Variants in PPARG observed in about 807,000 individuals in gnomAD.
PPARG encodes the protein peroxisome proliferator activated receptor gamma, also known as peroxisome proliferator-activated receptor gamma.
PPARG carries 17 observed loss-of-function variants against 39.2 expected under a neutral mutation model. The ratio of observed to expected loss-of-function variants is 0.43; its 90% confidence interval spans 0.30 to 0.65. The LOEUF (loss-of-function observed/expected upper bound fraction) is 0.65, where lower values mean the gene tolerates loss of function less well. Ranked by LOEUF, PPARG falls within the 30% of genes least tolerant of loss-of-function variation. The pLI is 0.13. For missense variants in PPARG, 406 were observed against 585.9 expected (o/e 0.69, Z 3.17); for synonymous variants, 223 against 215.7 (o/e 1.03, Z -0.30).
intron 2 of PPARG, among the ~76,000 whole-genome samples, chr3:12,371,130 A>G (rs981558993): frequency 3.3e-5 from 5 of 152,198 alleles, no homozygotes; most frequent in African/African-American, 7.2e-5. Context: ...CTTATTAAGT[A>G]TCCAGCCCTA....
Position 12,381,358 on chromosome 3 carries a change from A to G in PPARG, c.257A>G (p.Tyr86Cys). 1 of 1,613,368 alleles carries G rather than the reference A, an allele frequency of 6.2e-7. No individual in the cohort carries two copies. Among genetic ancestry groups the G allele is most frequent in the Non-Finnish European group, 8.5e-7 (1 of 1,179,696 alleles). Residue 86 changes from tyrosine (Y) to cysteine (C), a missense_variant, in exon 4 of 8, where the codon TAT becomes TGT. Physicochemically the swap from Tyr to Cys is radical, Grantham distance 194. Transcript: ENST00000651735. Reference sequence around the variant, plus strand: ...GTGGAGCCTGCATCTCCACCTTATTATTCTGAGAAGACTCAGCTCTACAAT... The same window carrying G: ...GTGGAGCCTGCATCTCCACCTTATTGTTCTGAGAAGACTCAGCTCTACAAT... Reference protein sequence around the residue: ...IKVEPASPPYYSEKTQLYNKP... With the variant: ...IKVEPASPPYCSEKTQLYNKP...
intron 4 of PPARG, among the ~76,000 whole-genome samples, chr3:12,385,027 T>C (rs540240337): frequency 6.6e-6 from 1 of 152,258 alleles, no homozygotes; most frequent in East Asian, 1.9e-4. Context: ...TAGACAAAAT[T>C]GCTGCCACAT....
chr3:12,365,993 T>C (rs1360764834), intron 2 of PPARG, among the ~76,000 whole-genome samples: 1 of 152,180 alleles, frequency 6.6e-6, no homozygotes, highest in African/African-American at 2.4e-5. Context: ...CAAGTTGGGA[T>C]GAATGACATC....
chr3:12,382,967 A>G (rs1330686464), intron 4 of PPARG, among the ~76,000 whole-genome samples: 1 of 152,100 alleles, frequency 6.6e-6, no homozygotes, highest in East Asian at 1.9e-4. Context: ...GCAAGACCCT[A>G]ACTCCAAAAA....
At chr3:12,406,770 T>G (rs1394691521) in intron 6 of PPARG, 1 of 152,124 alleles carries the variant, frequency 6.6e-6, no homozygotes, top group East Asian at 1.9e-4. Flanking sequence ...GAGTTACCTC[T>G]TAAGAAGTTC....
intron 5 of PPARG, among the ~76,000 whole-genome samples, chr3:12,396,995 C>G (rs777682734): frequency 9.9e-5 from 15 of 152,052 alleles, no homozygotes; most frequent in African/African-American, 1.7e-4. Context: ...TGCACCTGAC[C>G]TATTTAAGAA....
chr3:12,386,827 G>C (rs1310235508), intron 4 of PPARG, among the ~76,000 whole-genome samples: 1 of 152,042 alleles, frequency 6.6e-6, no homozygotes, highest in Non-Finnish European at 1.5e-5. Flanking sequence ...CCATCAACTT[G>C]TCATTTACAT....
At chr3:12,392,454 G>C (rs984816779) in intron 4 of PPARG, among the ~76,000 whole-genome samples, 160 bp from the exon 5 acceptor site, 19 of 152,182 alleles carry the variant, frequency 1.2e-4, no homozygotes, top group Non-Finnish European at 2.8e-4. Flanking sequence ...AGAACATTTA[G>C]TTCCAGAGAG....
At chr3:12,413,098 T>A (rs776488525) in intron 6 of PPARG, among the ~76,000 whole-genome samples, 56 of 151,782 alleles carry the variant, frequency 3.7e-4, no homozygotes, top group Non-Finnish European at 6.6e-4. Context: ...GTATGGAACA[T>A]TGTACCACAT....
chr3:12,369,629 C>G (rs375095524), intron 2 of PPARG, among the ~76,000 whole-genome samples: 21 of 152,268 alleles, frequency 1.4e-4, no homozygotes, highest in Admixed American at 5.2e-4. Context: ...ACTTCTCCCT[C>G]CCCTCCATCT....
chr3:12,327,604 C>G (rs910570916), intron 2 of PPARG, among the ~76,000 whole-genome samples: 4 of 152,108 alleles, frequency 2.6e-5, no homozygotes, highest in African/African-American at 9.7e-5. Flanking sequence ...GGCGCAGATG[C>G]TTTTTTGGCA....
intron 6 of PPARG, among the ~76,000 whole-genome samples, chr3:12,411,751 C>G (rs887167482): frequency 6.6e-6 from 1 of 151,972 alleles, no homozygotes; most frequent in Non-Finnish European, 1.5e-5. Flanking sequence ...TCTCATAGTT[C>G]TCAACAAGAG....
At chr3:12,345,986 T>C (rs180714642) in intron 2 of PPARG, among the ~76,000 whole-genome samples, 139 of 152,348 alleles carry the variant, frequency 9.1e-4, no homozygotes, top group African/African-American at 3.2e-3. Flanking sequence ...TCATGGTATT[T>C]TACTATGCTA....
intron 2 of PPARG, among the ~76,000 whole-genome samples, chr3:12,316,889 CAAAT>C: frequency 6.6e-6 from 1 of 151,994 alleles, no homozygotes. Flanking sequence ...ATAACTAAGA[CAAAT>C]GAATCTATGA....
At chr3:12,374,292 G>C (rs888433892) in intron 2 of PPARG, among the ~76,000 whole-genome samples, 2 of 152,066 alleles carry the variant, frequency 1.3e-5, no homozygotes, top group African/African-American at 4.8e-5. Context: ...ATGATATTAT[G>C]TCTTTGTCAA....
intron 1 of PPARG, among the ~76,000 whole-genome samples, chr3:12,289,379 G>A (rs551493560): frequency 6.6e-6 from 1 of 152,176 alleles, no homozygotes; most frequent in African/African-American, 2.4e-5. Flanking sequence ...TTCCTTGCAA[G>A]ATTAGGGACA....
At chr3:12,305,624 G>GT (rs1433427990) in intron 1 of PPARG, 2 of 152,104 alleles carry the variant, frequency 1.3e-5, no homozygotes, top group African/African-American at 2.4e-5. Flanking sequence ...TGTTAATTCT[G>GT]TATCTTTATT....
rs866762101 is a variant in PPARG, at chr3:12,310,535, C to G, written c.-82-1845C>G. On this transcript the variant is annotated intron_variant, in intron 1 of 7. Coordinates refer to ENST00000651735, the MANE Select transcript of PPARG (RefSeq NM_138711.6). ...CTGGAGTGCAGTGGCGGGATCTCGG[C>G]TCACTGCAAGCTCCGCCTCCTGGGT... Among the ~76,000 whole-genome samples, 417 of 73,160 alleles carry G rather than the reference C, an allele frequency of 5.7e-3. 30 individuals are homozygous for G. Among genetic ancestry groups the G allele is most frequent in the African/African-American group, 0.019 (409 of 21,478 alleles). 48.0% of individuals were successfully genotyped at this position (73,160 alleles called of 152,430 possible).
At chr3:12,382,948 G>A (rs1174373340) in intron 4 of PPARG, among the ~76,000 whole-genome samples, 1 of 152,124 alleles carries the variant, frequency 6.6e-6, no homozygotes, top group Non-Finnish European at 1.5e-5. Flanking sequence ...TCCAGCCTGG[G>A]TCACAAAAGC....
Sources: allele counts gnomAD v4.1 joint callset (sites outside exome capture counted in the v4.1 genomes callset), GRCh38; gene constraint gnomAD v4.1.1; transcripts MANE v1.5; gene names NCBI Gene and HGNC (gene_info 2026-07-23, HGNC 2026-07-21).